Variants in SSH2 observed in about 807,000 individuals in gnomAD.
The protein encoded by SSH2 is protein phosphatase Slingshot homolog 2.
SSH2 carries 37 observed loss-of-function variants against 135.2 expected under a neutral mutation model. The ratio of observed to expected loss-of-function variants is 0.27; its 90% CI spans 0.21 to 0.36. The LOEUF is 0.36. Ranked by LOEUF, SSH2 falls within the 10% of genes least tolerant of loss-of-function variation. The pLI, the probability that SSH2 is intolerant of heterozygous loss-of-function variation, is 1.00. For synonymous variants in SSH2, 628 were observed against 646.2 expected (o/e 0.97, Z 0.43); for missense variants, 1,408 against 1,765.3 (o/e 0.80, Z 3.63).
chr17:29,793,652 C>G (rs2729436), intron 3 of SSH2: 133,622 of 303,236 alleles, frequency 0.44, 31,691 homozygotes, highest in Non-Finnish European at 0.48. Context: ...TTTTAAAAAA[C>G]GGAGGAAGGT....
intron 12 of SSH2, among the ~76,000 whole-genome samples, chr17:29,652,354 C>T (rs570527501): frequency 6.6e-6 from 1 of 152,084 alleles, no homozygotes; most frequent in Non-Finnish European, 1.5e-5. Flanking sequence ...AGTTGATGAA[C>T]ATTAGTGATT....
chr17:29,908,764 A>G (rs1157625172), intron 1 of SSH2, among the ~76,000 whole-genome samples: 15 of 22,674 alleles, frequency 6.6e-4, no homozygotes, highest in Non-Finnish European at 1.1e-3. Context: ...ACTCCATCTG[A>G]AAAAAAAAAA....
chr17:29,632,110 G>A lies in SSH2; in HGVS notation c.3084C>T (p.Val1028=). 6.2e-7 allele frequency: 1 copy of A among 1,614,132 alleles called. No homozygotes were observed. The change falls in exon 16 of 16, where the codon GTC becomes GTT. Residue 1028 remains valine, a synonymous_variant. Coordinates refer to ENST00000540801, the MANE Select transcript of SSH2 (RefSeq NM_001282129.2). ...CTACCCTCTTGGGAAGGGGAAGAGGGACTGCTTGTGTTTCAGACTCCTGGT... is the reference window on the plus strand; with the variant it reads ...CTACCCTCTTGGGAAGGGGAAGAGGAACTGCTTGTGTTTCAGACTCCTGGT... ...IPYQESETQA[V]PLPLPKRVEI... is the part of the protein sequence containing the mutation.
chr17:29,828,253 G>A (rs2042780212), intron 2 of SSH2, among the ~76,000 whole-genome samples: 1 of 152,120 alleles, frequency 6.6e-6, no homozygotes, highest in Non-Finnish European at 1.5e-5. Flanking sequence ...TCCTTTCGTA[G>A]CACTTGGCAG....
intron 11 of SSH2, among the ~76,000 whole-genome samples, chr17:29,666,076 T>C (rs558871454): frequency 6.6e-6 from 1 of 152,274 alleles, no homozygotes; most frequent in African/African-American, 2.4e-5. Context: ...CGATGGCTCA[T>C]GCCGGTAATT....
chr17:29,643,714 G>A (rs1431231934), intron 14 of SSH2, among the ~76,000 whole-genome samples: 21 of 152,026 alleles, frequency 1.4e-4, no homozygotes. Context: ...GGCTGGTCTC[G>A]AACTCCTGAC....
chr17:29,910,080 G>A (rs1364554038), intron 1 of SSH2, among the ~76,000 whole-genome samples: 4 of 152,090 alleles, frequency 2.6e-5, no homozygotes, highest in Non-Finnish European at 5.9e-5. Flanking sequence ...CAAGTAGCTG[G>A]GACTACAGGT....
chr17:29,702,746 C>T (rs1389795660), intron 4 of SSH2, among the ~76,000 whole-genome samples: 3 of 152,190 alleles, frequency 2.0e-5, no homozygotes, highest in Non-Finnish European at 4.4e-5. Flanking sequence ...ATTATTCCAA[C>T]AAAAATGTAT....
chr17:29,690,087 C>T (rs2038400261), intron 5 of SSH2, among the ~76,000 whole-genome samples: 2 of 150,832 alleles, frequency 1.3e-5, no homozygotes, highest in Admixed American at 1.3e-4. Flanking sequence ...CCTCCTTAAG[C>T]TTAAACTGTA....
At chr17:29,657,336 C>T (rs2036824651) in intron 11 of SSH2, among the ~76,000 whole-genome samples, 2 of 151,076 alleles carry the variant, frequency 1.3e-5, no homozygotes, top group South Asian at 4.2e-4. Context: ...ATGGCACAAT[C>T]TCGGCTCACT....
chr17:29,702,540 A>G (rs1482722078), intron 4 of SSH2, among the ~76,000 whole-genome samples: 1 of 152,174 alleles, frequency 6.6e-6, no homozygotes, highest in East Asian at 1.9e-4. Context: ...CTGTAGTCCC[A>G]GCTACTCAGG....
chr17:29,689,001 A>C (rs2038350306), intron 5 of SSH2, among the ~76,000 whole-genome samples: 1 of 151,882 alleles, frequency 6.6e-6, no homozygotes, highest in Non-Finnish European at 1.5e-5. Flanking sequence ...CTAAAAATAC[A>C]AAAAAAATTA....
At chr17:29,799,014 G>T (rs570119023) in intron 2 of SSH2, among the ~76,000 whole-genome samples, 1 of 152,016 alleles carries the variant, frequency 6.6e-6, no homozygotes, top group African/African-American at 2.4e-5. Flanking sequence ...ACTCATTTTT[G>T]ATTGTTTGAG....
chr17:29,681,641 A>G (rs1027643896), intron 6 of SSH2, among the ~76,000 whole-genome samples: 1 of 152,062 alleles, frequency 6.6e-6, no homozygotes, highest in Admixed American at 6.6e-5. Context: ...AGAAACCAAG[A>G]TTATGCTGCA....
intron 1 of SSH2, among the ~76,000 whole-genome samples, chr17:29,919,829 G>A (rs2151484443): frequency 6.6e-6 from 1 of 152,160 alleles, no homozygotes; most frequent in Non-Finnish European, 1.5e-5. Flanking sequence ...AAAAGGCTAG[G>A]CACTGCTGCA....
chr17:29,667,114 A>G lies in SSH2; in HGVS notation c.903+16T>C. The G allele has an allele frequency of 6.2e-7, 1 of 1,606,004 alleles. No homozygotes were observed. Among genetic ancestry groups the G allele is most frequent in the Non-Finnish European group, 8.5e-7 (1 of 1,173,184 alleles). ...ACTGCTAGCCTTGGAACAAACAAGGACTCAAGGTCTCTTACCTCTTTGGAT... is the reference window on the plus strand; with the variant it reads ...ACTGCTAGCCTTGGAACAAACAAGGGCTCAAGGTCTCTTACCTCTTTGGAT... On this transcript the variant is annotated intron_variant, in intron 10 of 15. Transcript: ENST00000540801.
intron 5 of SSH2, among the ~76,000 whole-genome samples, chr17:29,692,260 C>A (rs2038516566): frequency 1.3e-5 from 2 of 151,830 alleles, no homozygotes; most frequent in South Asian, 4.1e-4. Context: ...TAACTCAAAA[C>A]AAAAGCCTTT....
At chr17:29,718,346 T>A (rs2039698605) in intron 3 of SSH2, among the ~76,000 whole-genome samples, 1 of 152,218 alleles carries the variant, frequency 6.6e-6, no homozygotes. Flanking sequence ...GCCACACTTA[T>A]GGCTATCACC....
At chr17:29,761,841 A>ATGTGTGTGTGTG (rs1491453124) in intron 3 of SSH2, among the ~76,000 whole-genome samples, 4 of 141,228 alleles carry the variant, frequency 2.8e-5, no homozygotes, top group African/African-American at 8.6e-5. Flanking sequence ...ACTCACATAC[A>ATGTGTGTGTGTG]TATGTGTGTG....
Sources: allele counts gnomAD v4.1 joint callset (sites outside exome capture counted in the v4.1 genomes callset), GRCh38; gene constraint gnomAD v4.1.1; transcripts MANE v1.5; gene names NCBI Gene and HGNC (gene_info 2026-07-23, HGNC 2026-07-21).